MTRF1: variants seen among roughly 807,000 people sequenced by gnomAD.
MTRF1 encodes mitochondrial translation release factor 1, also known as peptide chain release factor 1, mitochondrial.
MTRF1 carries 51 observed loss-of-function variants against 62.9 expected under a neutral mutation model. The ratio of observed to expected loss-of-function variants is 0.81; its 90% CI spans 0.65 to 1.02. MTRF1 has a LOEUF of 1.02. Ranked by LOEUF, MTRF1 falls within the 50% of genes least tolerant of loss-of-function variation. MTRF1 has a pLI of 0.00. For missense variants in MTRF1, 446 were observed against 530.0 expected, an observed-to-expected ratio of 0.84 and a Z score of 1.56; for synonymous variants, 158 against 181.9, an observed-to-expected ratio of 0.87 and a Z score of 1.06.
At chr13:41,288,224 A>G in the MTRF1 span, 1 of 437,238 alleles carries the variant, frequency 2.3e-6, no homozygotes, top group South Asian at 1.7e-5. Flanking sequence ...GACAATAGTG[A>G]TAATGCATTG....
chr13:41,270,443 T>A, the MTRF1 span, among the ~76,000 whole-genome samples: 1 of 152,200 alleles, frequency 6.6e-6, no homozygotes, highest in African/African-American at 2.4e-5. Context: ...CATAAATACA[T>A]AGACATATTA....
At chr13:41,281,845 A>G in the MTRF1 span, among the ~76,000 whole-genome samples, 2 of 152,024 alleles carry the variant, frequency 1.3e-5, no homozygotes, top group South Asian at 2.1e-4. Flanking sequence ...AAAAGAAAAT[A>G]CTCTGCCCAG....
the MTRF1 span, among the ~76,000 whole-genome samples, chr13:41,311,866 A>G: frequency 2.6e-5 from 4 of 152,188 alleles, no homozygotes; most frequent in East Asian, 7.7e-4. Flanking sequence ...GTGCCCGGGC[A>G]CAGCCGCCTC....
intron 1 of MTRF1, chr13:41,261,984 T>C (rs1222639976): frequency 2.2e-5 from 2 of 91,760 alleles, no homozygotes; most frequent in African/African-American, 9.1e-5. Context: ...ATATAAGGTA[T>C]ACATGTAAAA....
At chr13:41,295,053 A>C in the MTRF1 span, among the ~76,000 whole-genome samples, 1 of 152,138 alleles carries the variant, frequency 6.6e-6, no homozygotes, top group Non-Finnish European at 1.5e-5. Flanking sequence ...ACCTTGCTGC[A>C]TGTGATTTGC....
the MTRF1 span, among the ~76,000 whole-genome samples, chr13:41,284,560 GA>G: frequency 4.0e-5 from 6 of 149,460 alleles, no homozygotes; most frequent in African/African-American, 1.2e-4. Context: ...AAAAAAAAAG[GA>G]AAAAAAATTT....
chr13:41,260,971 T>C (rs1367128177), intron 1 of MTRF1, 56 bp from the exon 2 acceptor site: 1 of 1,411,066 alleles, frequency 7.1e-7, no homozygotes, highest in East Asian at 2.4e-5. Flanking sequence ...GATACATGCA[T>C]AATAAACCTG....
At chr13:41,237,381 A>G (rs565519814) in intron 6 of MTRF1, among the ~76,000 whole-genome samples, 9 of 152,214 alleles carry the variant, frequency 5.9e-5, no homozygotes, top group African/African-American at 2.2e-4. Context: ...GAAAAGAAAA[A>G]TCAAATCCTA....
the MTRF1 span, among the ~76,000 whole-genome samples, chr13:41,299,104 G>GGGGTGT: frequency 1.3e-5 from 2 of 149,594 alleles, no homozygotes; most frequent in East Asian, 3.9e-4. Flanking sequence ...CTTCAACCTG[G>GGGGTGT]GTGTGTGTGT....
At chr13:41,247,129 C>T (rs1246387045) in intron 5 of MTRF1, among the ~76,000 whole-genome samples, 1 of 152,228 alleles carries the variant, frequency 6.6e-6, no homozygotes, top group Non-Finnish European at 1.5e-5. Flanking sequence ...GAGATAAATA[C>T]ATGCAGAACA....
chr13:41,246,165 C>A (rs1308851409), intron 5 of MTRF1, among the ~76,000 whole-genome samples: 1 of 152,182 alleles, frequency 6.6e-6, no homozygotes, highest in Non-Finnish European at 1.5e-5. Flanking sequence ...GTTTTCAGAT[C>A]CGGCAGATGC....
intron 1 of MTRF1, chr13:41,263,185 T>C: frequency 6.1e-6 from 6 of 983,140 alleles, no homozygotes; most frequent in Non-Finnish European, 7.0e-6. Context: ...TTAGGAACAG[T>C]AGTAGAATGC....
chr13:41,285,019 T>C, the MTRF1 span, among the ~76,000 whole-genome samples: 1 of 152,210 alleles, frequency 6.6e-6, no homozygotes, highest in African/African-American at 2.4e-5. Flanking sequence ...ATCATCTCCC[T>C]GAGTAAATAA....
intron 7 of MTRF1, among the ~76,000 whole-genome samples, chr13:41,228,885 G>T (rs951424732): frequency 6.6e-6 from 1 of 152,240 alleles, no homozygotes; most frequent in Non-Finnish European, 1.5e-5. Context: ...AGCAGGGACG[G>T]TTCCTAGTCT....
At chr13:41,279,427 A>G in the MTRF1 span, among the ~76,000 whole-genome samples, 6 of 152,208 alleles carry the variant, frequency 3.9e-5, no homozygotes, top group Non-Finnish European at 8.8e-5. Context: ...TGTTGATTCC[A>G]GGTCCTTAGA....
the MTRF1 span, among the ~76,000 whole-genome samples, chr13:41,274,494 A>G: frequency 6.6e-6 from 1 of 152,160 alleles, no homozygotes; most frequent in African/African-American, 2.4e-5. Flanking sequence ...GGTAGATGTT[A>G]TAACTGGTTA....
chr13:41,262,847 C>T (rs2040618578), intron 1 of MTRF1, among the ~76,000 whole-genome samples: 1 of 152,128 alleles, frequency 6.6e-6, no homozygotes, highest in African/African-American at 2.4e-5. Flanking sequence ...CTCCAGTGAT[C>T]CTACTATGCT....
At chr13:41,255,925 T>C (rs1378228560) in intron 2 of MTRF1, among the ~76,000 whole-genome samples, 2 of 152,118 alleles carry the variant, frequency 1.3e-5, no homozygotes, top group Non-Finnish European at 2.9e-5. Flanking sequence ...TGGCCATTGC[T>C]GCAAATTGAG....
chr13:41,299,008 C>T, the MTRF1 span, among the ~76,000 whole-genome samples: 1 of 152,036 alleles, frequency 6.6e-6, no homozygotes, highest in African/African-American at 2.4e-5. Context: ...GGCAAAACCC[C>T]GTTTCTACTA....
Sources: gnomAD v4.1 joint callset for allele counts (sites outside exome capture counted in the v4.1 genomes callset) on GRCh38, gnomAD v4.1.1 for gene constraint, MANE v1.5 for transcripts, NCBI Gene and HGNC (gene_info 2026-07-23, HGNC 2026-07-21) for gene names.